The following GALNTL6 variants were observed in gnomAD, a reference collection of about 807,000 sequenced individuals.
GALNTL6 encodes the protein polypeptide N-acetylgalactosaminyltransferase like 6.
In GALNTL6, 46 loss-of-function variants were observed where a neutral mutation model predicts 73.7. That is an observed-to-expected ratio of 0.62 (90% CI 0.49 to 0.80). The LOEUF (loss-of-function observed/expected upper bound fraction) is 0.80. GALNTL6 is among the 30% of genes least tolerant of loss of function. The pLI is 0.00. For missense variants in GALNTL6, 604 were observed against 755.0 expected, an observed-to-expected ratio of 0.80 and a Z score of 2.34; for synonymous variants, 259 against 263.7, an observed-to-expected ratio of 0.98 and a Z score of 0.17.
At chr4:172,344,907 C>G (rs534406637) in intron 4 of GALNTL6, among the ~76,000 whole-genome samples, 6 of 152,128 alleles carry the variant, frequency 3.9e-5, no homozygotes, top group African/African-American at 1.4e-4. Context: ...TCTGCAGTTC[C>G]TGTCTTTCCT....
At chr4:171,914,448 T>C (rs1578967212) in intron 2 of GALNTL6, among the ~76,000 whole-genome samples, 1 of 122,244 alleles carries the variant, frequency 8.2e-6, no homozygotes, top group African/African-American at 3.2e-5. Flanking sequence ...TTTTTTTTTT[T>C]GAGATGGAGT....
intron 2 of GALNTL6, among the ~76,000 whole-genome samples, chr4:172,201,912 A>G (rs909587781): frequency 2.0e-5 from 3 of 152,198 alleles, no homozygotes; most frequent in Non-Finnish European, 4.4e-5. Context: ...AACCTAGGCT[A>G]GAAATGACAC....
At chr4:172,783,460 A>C (rs34807167) in intron 5 of GALNTL6, among the ~76,000 whole-genome samples, 70,448 of 147,022 alleles carry the variant, frequency 0.48, 18,175 homozygotes, top group East Asian at 0.72. Flanking sequence ...TATTATAACA[A>C]TATAATATTA....
chr4:172,271,308 G>A (rs1239671933), intron 3 of GALNTL6, among the ~76,000 whole-genome samples: 1 of 152,098 alleles, frequency 6.6e-6, no homozygotes, highest in African/African-American at 2.4e-5. Flanking sequence ...AAGAATATAT[G>A]TAAATTCAAG....
At chr4:172,239,104 G>C (rs1560984843) in intron 3 of GALNTL6, among the ~76,000 whole-genome samples, 1 of 152,052 alleles carries the variant, frequency 6.6e-6, no homozygotes, top group Admixed American at 6.6e-5. Context: ...TCAGGATGAT[G>C]CTGGTCTTAT....
intron 5 of GALNTL6, among the ~76,000 whole-genome samples, chr4:172,672,274 G>A (rs546260637): frequency 6.6e-6 from 1 of 152,182 alleles, no homozygotes; most frequent in Non-Finnish European, 1.5e-5. Context: ...TAATCATGTG[G>A]TTTTTGTTTT....
intron 5 of GALNTL6, among the ~76,000 whole-genome samples, chr4:172,386,564 T>C (rs1406643293): frequency 1.3e-5 from 2 of 152,054 alleles, no homozygotes; most frequent in Non-Finnish European, 2.9e-5. Context: ...ATTATGTAGA[T>C]TGAGAAGTTC....
intron 5 of GALNTL6, among the ~76,000 whole-genome samples, chr4:172,456,391 T>C (rs1159137400): frequency 6.6e-6 from 1 of 151,688 alleles, no homozygotes; most frequent in East Asian, 2.0e-4. Flanking sequence ...AGGTGGGTAA[T>C]AACAAACTCC....
chr4:172,215,802 CT>C (rs1228402817), intron 2 of GALNTL6, among the ~76,000 whole-genome samples: 2 of 151,940 alleles, frequency 1.3e-5, no homozygotes, highest in Non-Finnish European at 2.9e-5. Context: ...CTTTTTCTGC[CT>C]TGTGTAGTTT....
intron 5 of GALNTL6, among the ~76,000 whole-genome samples, chr4:172,487,201 TTTC>T (rs1249256397): frequency 6.6e-6 from 1 of 150,630 alleles, no homozygotes; most frequent in African/African-American, 2.4e-5. Context: ...ATTTTCTTTC[TTTC>T]TTTCTTTCTC....
At chr4:172,843,580 T>C (rs922508017) in intron 7 of GALNTL6, among the ~76,000 whole-genome samples, 8 of 152,206 alleles carry the variant, frequency 5.3e-5, no homozygotes, top group African/African-American at 1.9e-4. Context: ...CTCTTTTCCA[T>C]GCTCTGGTGT....
At chr4:172,540,352 T>C (rs1458020897) in intron 5 of GALNTL6, among the ~76,000 whole-genome samples, 2 of 152,142 alleles carry the variant, frequency 1.3e-5, no homozygotes, top group African/African-American at 4.8e-5. Context: ...GAGCTTTCAT[T>C]TAAACTCAGT....
intron 5 of GALNTL6, among the ~76,000 whole-genome samples, chr4:172,548,402 G>A (rs1200238966): frequency 2.0e-5 from 3 of 152,230 alleles, no homozygotes; most frequent in Non-Finnish European, 2.9e-5. Context: ...TTAAGAGAAC[G>A]AAGGGCAGGA....
At chr4:171,899,023 C>T (rs1310292765) in intron 2 of GALNTL6, among the ~76,000 whole-genome samples, 3 of 136,430 alleles carry the variant, frequency 2.2e-5, no homozygotes, top group South Asian at 2.4e-4. Flanking sequence ...GGCATTTTAT[C>T]ATTTTGATTT....
chr4:172,038,238 A>G (rs759893156), intron 2 of GALNTL6, among the ~76,000 whole-genome samples: 1 of 152,054 alleles, frequency 6.6e-6, no homozygotes, highest in East Asian at 1.9e-4. Flanking sequence ...TTTTTTCCTG[A>G]TATACACACA....
At chr4:172,619,752 A>T (rs935715540) in intron 5 of GALNTL6, among the ~76,000 whole-genome samples, 2 of 152,200 alleles carry the variant, frequency 1.3e-5, no homozygotes, top group Non-Finnish European at 2.9e-5. Flanking sequence ...TTTGAGATTT[A>T]ATGACTGTCA....
At chr4:172,147,946 A>G (rs974176248) in intron 2 of GALNTL6, among the ~76,000 whole-genome samples, 1 of 152,128 alleles carries the variant, frequency 6.6e-6, no homozygotes, top group African/African-American at 2.4e-5. Flanking sequence ...TACTGGCTGA[A>G]GGTCAAATTT....
intron 5 of GALNTL6, among the ~76,000 whole-genome samples, chr4:172,409,654 T>C (rs1744362016): frequency 1.3e-5 from 2 of 151,986 alleles, no homozygotes; most frequent in Non-Finnish European, 2.9e-5. Context: ...AAATATAAAG[T>C]AGAAAAATTT....
At chr4:172,309,173 T>G (rs1423719231) in intron 3 of GALNTL6, among the ~76,000 whole-genome samples, 1 of 152,128 alleles carries the variant, frequency 6.6e-6, no homozygotes, top group Non-Finnish European at 1.5e-5. Flanking sequence ...CCAGTCTGCT[T>G]TTTGAGAATA....
Sources: gnomAD v4.1 joint callset for allele counts (sites outside exome capture counted in the v4.1 genomes callset) on GRCh38, gnomAD v4.1.1 for gene constraint, MANE v1.5 for transcripts, NCBI Gene and HGNC (gene_info 2026-07-23, HGNC 2026-07-21) for gene names.